The following ESYT2 variants were observed in gnomAD, a reference collection of about 807,000 sequenced individuals.
ESYT2 encodes extended synaptotagmin-2.
A neutral mutation model predicts 107.2 loss-of-function variants in ESYT2; 54 were observed. The observed-to-expected ratio is 0.50, with a 90% CI of 0.40 to 0.63. The LOEUF is 0.63. Ranked by LOEUF, ESYT2 falls within the 30% of genes least tolerant of loss-of-function variation. The probability of loss-of-function intolerance (pLI) is 0.00; values close to 1 mark genes in which losing one functional copy is unlikely to be tolerated. For missense variants in ESYT2, 1,020 were observed against 1,094.5 expected, an observed-to-expected ratio of 0.93 and a Z score of 0.96; for synonymous variants, 491 against 434.1, an observed-to-expected ratio of 1.13 and a Z score of -1.63.
chr7:158,750,621 C>T (rs1837551992), intron 14 of ESYT2, among the ~76,000 whole-genome samples: 1 of 152,212 alleles, frequency 6.6e-6, no homozygotes, highest in South Asian at 2.1e-4. Context: ...TCTGGTTCAT[C>T]TTTCTGATGT....
intron 1 of ESYT2, among the ~76,000 whole-genome samples, chr7:158,825,430 G>C (rs1840412667): frequency 6.6e-6 from 1 of 152,230 alleles, no homozygotes; most frequent in Admixed American, 6.5e-5. Context: ...CATCCAGCCT[G>C]CCAGGCCTTT....
intron 13 of ESYT2, 29 bp downstream of exon 13, chr7:158,759,454 GCAC>G (rs1243948100): frequency 6.5e-7 from 1 of 1,535,062 alleles, no homozygotes; most frequent in African/African-American, 1.4e-5. Context: ...TAGGAAATAC[GCAC>G]CCACAGGTGT....
At chr7:158,769,153 C>A (rs937737717) in intron 7 of ESYT2, among the ~76,000 whole-genome samples, 1 of 152,318 alleles carries the variant, frequency 6.6e-6, no homozygotes, top group East Asian at 1.9e-4. Context: ...ACAGTATCCA[C>A]GTGTGATGAC....
chr7:158,770,737 G>C (rs190098479), intron 7 of ESYT2, among the ~76,000 whole-genome samples: 43 of 152,054 alleles, frequency 2.8e-4, no homozygotes, highest in East Asian at 1.9e-3. Flanking sequence ...GGATGGTCTC[G>C]ATCTCCTGAC....
chr7:158,778,957 CT>C (rs1378389780), intron 6 of ESYT2, among the ~76,000 whole-genome samples: 1 of 151,984 alleles, frequency 6.6e-6, no homozygotes, highest in Non-Finnish European at 1.5e-5. Context: ...GACAAAACCC[CT>C]AGCCTGCTGT....
intron 6 of ESYT2, among the ~76,000 whole-genome samples, chr7:158,782,871 T>C (rs1286178913): frequency 6.6e-6 from 1 of 151,994 alleles, no homozygotes; most frequent in Non-Finnish European, 1.5e-5. Flanking sequence ...AGAACGAGTG[T>C]GTGGGAAGGA....
intron 3 of ESYT2, among the ~76,000 whole-genome samples, chr7:158,795,902 G>A (rs1270034889): frequency 6.6e-6 from 1 of 152,192 alleles, no homozygotes; most frequent in African/African-American, 2.4e-5. Flanking sequence ...ACAGGCAGGT[G>A]TCACACGTAA....
At chr7:158,792,332 T>C (rs186633086) in intron 4 of ESYT2, among the ~76,000 whole-genome samples, 2 of 150,694 alleles carry the variant, frequency 1.3e-5, no homozygotes, top group Non-Finnish European at 2.9e-5. Flanking sequence ...GAGACTAGCC[T>C]GAGAAACATG....
At chr7:158,772,393 C>T (rs1838404365) in intron 7 of ESYT2, among the ~76,000 whole-genome samples, 1 of 152,090 alleles carries the variant, frequency 6.6e-6, no homozygotes, top group Non-Finnish European at 1.5e-5. Flanking sequence ...ATTTCAGAGG[C>T]ATAAACAAAT....
chr7:158,781,347 G>A (rs1257188322), intron 6 of ESYT2, among the ~76,000 whole-genome samples: 2 of 151,888 alleles, frequency 1.3e-5, no homozygotes, highest in Admixed American at 6.6e-5. Context: ...CAAAGTGTGA[G>A]GTATGTGTAA....
intron 13 of ESYT2, among the ~76,000 whole-genome samples, chr7:158,756,138 GA>G (rs1837748657): frequency 6.6e-6 from 1 of 152,158 alleles, no homozygotes; most frequent in South Asian, 2.1e-4. Flanking sequence ...TTTGGAAATA[GA>G]AATGAAAACT....
intron 1 of ESYT2, among the ~76,000 whole-genome samples, chr7:158,828,641 G>T (rs1202825577): frequency 1.3e-5 from 2 of 152,210 alleles, no homozygotes; most frequent in Non-Finnish European, 2.9e-5. Flanking sequence ...AGCGGAGAAG[G>T]GGACGCCCGA....
chr7:158,814,435 A>T (rs1403286796), intron 1 of ESYT2, among the ~76,000 whole-genome samples: 1 of 151,426 alleles, frequency 6.6e-6, no homozygotes, highest in Non-Finnish European at 1.5e-5. Flanking sequence ...ACTCTCACAG[A>T]TCAAAAACGT....
chr7:158,745,831 G>A (rs1055375391), intron 16 of ESYT2, among the ~76,000 whole-genome samples: 1 of 152,166 alleles, frequency 6.6e-6, no homozygotes. Context: ...CAAAATTTGT[G>A]AGATGTAGCT....
Position 158,733,613 on chromosome 7 carries a change from A to G in ESYT2, c.*594T>C, listed in dbSNP as rs1836817312. On this transcript the variant is annotated 3_prime_UTR_variant, in exon 23 of 23. Coordinates refer to ENST00000275418, the MANE Select transcript of ESYT2 (RefSeq NM_001367773.1). ...ACATCCTTATATTTATGAAAATGTT[A>G]ATATTTTGAATACTTTATTTCATCT... is the stretch of plus-strand genomic sequence containing the variant. 1 of 152,228 alleles carries G rather than the reference A, an allele frequency of 6.6e-6. No homozygotes were observed. Among genetic ancestry groups the G allele is most frequent in the Admixed American group, 6.5e-5 (1 of 15,274 alleles). 9.4% of individuals were successfully genotyped at this position (152,228 alleles called of 1,614,324 possible). A position where few individuals can be genotyped will look rare whatever the true frequency, so the allele number is the denominator to read the frequency against.
Position 158,770,311 on chromosome 7 carries a change from A to G in ESYT2, c.804-2537T>C, listed in dbSNP as rs552063278. On this transcript the variant is annotated intron_variant, in intron 7 of 22. Coordinates refer to ENST00000275418, the MANE Select transcript of ESYT2 (RefSeq NM_001367773.1). The stretch of plus-strand genomic sequence containing the variant: ...GTACATATCTATTAAATTTTAGTAC[A>G]TAACATTTATGTAAACATAATTTAT... 8.6e-5 allele frequency among the ~76,000 whole-genome samples: 7 copies of G among 81,328 alleles called. No homozygotes were observed. In the East Asian group the frequency reaches 1.1e-3, roughly 12 times the overall value. 53.4% of individuals were successfully genotyped at this position (81,328 alleles called of 152,430 possible).
At chr7:158,757,870 A>G (rs1251740950) in intron 13 of ESYT2, among the ~76,000 whole-genome samples, 2 of 152,108 alleles carry the variant, frequency 1.3e-5, no homozygotes, top group African/African-American at 4.8e-5. Context: ...CAATTCACTG[A>G]TACTATTCTC....
chr7:158,774,276 A>G (rs887716435), intron 6 of ESYT2, among the ~76,000 whole-genome samples: 15 of 152,216 alleles, frequency 9.9e-5, no homozygotes, highest in African/African-American at 3.6e-4. Flanking sequence ...TTATAGATAG[A>G]ACAAAACTTA....
chr7:158,774,657 C>T (rs188515746), intron 6 of ESYT2, among the ~76,000 whole-genome samples: 82 of 152,256 alleles, frequency 5.4e-4, no homozygotes, highest in Non-Finnish European at 1.0e-3. Flanking sequence ...CATGAGGAAA[C>T]GAAGATTTAA....
Sources: gnomAD v4.1 joint callset for allele counts (sites outside exome capture counted in the v4.1 genomes callset) on GRCh38, gnomAD v4.1.1 for gene constraint, MANE v1.5 for transcripts, NCBI Gene and HGNC (gene_info 2026-07-23, HGNC 2026-07-21) for gene names.